Variants in FGF13 observed in about 807,000 individuals in gnomAD.
FGF13 encodes fibroblast growth factor homologous factor 2.
A neutral mutation model predicts 19.5 loss-of-function variants in FGF13; 2 were observed. The ratio of observed to expected loss-of-function variants is 0.10; its 90% CI spans 0.04 to 0.32. FGF13 has a LOEUF of 0.32. FGF13 is among the 10% of genes least tolerant of loss of function. The probability of loss-of-function intolerance (pLI) is 1.00; values close to 1 mark genes in which losing one functional copy is unlikely to be tolerated. For synonymous variants in FGF13, 72 were observed against 76.9 expected (o/e 0.94, Z 0.33); for missense variants, 113 against 192.7 (o/e 0.59, Z 2.45).
At chrX:138,955,865 G>A in intron 1 of FGF13, among the ~76,000 whole-genome samples, 1 of 112,027 alleles carries the variant, frequency 8.9e-6, no homozygotes, top group South Asian at 3.7e-4. Flanking sequence ...ACTTTCTTGA[G>A]TTTGTTGGTT....
chrX:139,173,285 T>C (rs1357594071), intron 1 of FGF13, among the ~76,000 whole-genome samples: 1 of 111,180 alleles, frequency 9.0e-6, no homozygotes, highest in Non-Finnish European at 1.9e-5. Context: ...CATTTTAACC[T>C]CCCTGGCTCT....
chrX:139,071,453 A>G (rs898574831), intron 1 of FGF13, among the ~76,000 whole-genome samples: 3 of 111,896 alleles, frequency 2.7e-5, no homozygotes, highest in African/African-American at 9.7e-5. Context: ...AGAATGTTTT[A>G]AATCTTATTA....
At chrX:139,189,031 T>A (rs1429598215) in intron 1 of FGF13, among the ~76,000 whole-genome samples, 3 of 107,901 alleles carry the variant, frequency 2.8e-5, no homozygotes, top group Non-Finnish European at 5.7e-5. Context: ...GGATGAAGGA[T>A]CATAGAGGCT....
rs186782711 is a variant in FGF13, at chrX:138,871,968, C to T, written c.-112-7318G>A. Among the ~76,000 whole-genome samples the T allele has an allele frequency of 2.7e-5, 3 of 111,849 alleles. No homozygotes were observed. In the East Asian group the frequency reaches 8.5e-4, roughly 32 times the overall value. On this transcript the variant is annotated intron_variant, in intron 1 of 2. Coordinates refer to the FGF13 transcript ENST00000421460. ...GTGAGCTGGCTTATGTGTTCAAAGGCTCACTCTTGCTGCTATGTAGAGAAC... is the reference window on the plus strand; with the variant it reads ...GTGAGCTGGCTTATGTGTTCAAAGGTTCACTCTTGCTGCTATGTAGAGAAC...
Position 138,811,000 on chromosome X carries a change from C to A in FGF13, c.217+46512G>T, listed in dbSNP as rs767189549. Among the ~76,000 whole-genome samples, 19 of 112,047 alleles carry A rather than the reference C, an allele frequency of 1.7e-4. No individual in the cohort carries two copies. The South Asian group carries it at 5.2e-3, about 31-fold the overall frequency. On this transcript the variant is annotated intron_variant, in intron 3 of 6. Transcript: ENST00000436198. The stretch of plus-strand genomic sequence containing the variant: ...GAACAGTTTTACACTGTTGGTGGGA[C>A]TGTAAACTAGTTCAACCATTGTGGA...
chrX:138,686,690 C>T (rs2089786438), intron 3 of FGF13, among the ~76,000 whole-genome samples: 1 of 111,376 alleles, frequency 9.0e-6, no homozygotes, highest in Non-Finnish European at 1.9e-5. Flanking sequence ...AAAATCTATA[C>T]AATGTCAGCT....
At chrX:139,022,556 T>C in intron 1 of FGF13, among the ~76,000 whole-genome samples, 1 of 111,439 alleles carries the variant, frequency 9.0e-6, no homozygotes, top group Non-Finnish European at 1.9e-5. Flanking sequence ...TTTGGTGAAA[T>C]TGTTTGTTCC....
intron 1 of FGF13, among the ~76,000 whole-genome samples, chrX:139,076,905 T>A (rs1279777702): frequency 1.8e-5 from 2 of 112,328 alleles, no homozygotes; most frequent in African/African-American, 6.5e-5. Flanking sequence ...AGGAGGTATT[T>A]CAGTCTATCT....
At chrX:138,924,218 T>C (rs994075411) in intron 1 of FGF13, among the ~76,000 whole-genome samples, 2 of 111,984 alleles carry the variant, frequency 1.8e-5, no homozygotes, top group Non-Finnish European at 1.9e-5. Context: ...ACTTCAGGCA[T>C]GCCAGGATCT....
chrX:138,796,744 T>C (rs1024915189), intron 3 of FGF13, among the ~76,000 whole-genome samples: 2 of 112,193 alleles, frequency 1.8e-5, no homozygotes, highest in African/African-American at 6.5e-5. Context: ...TTTTTAATGA[T>C]CGTCATTCTA....
At chrX:139,094,995 T>C (rs1037278637) in intron 1 of FGF13, among the ~76,000 whole-genome samples, 1 of 112,537 alleles carries the variant, frequency 8.9e-6, no homozygotes, top group Non-Finnish European at 1.9e-5. Context: ...AAGTACAAAT[T>C]GCCCCCAAAT....
At chrX:139,057,327 AAAAC>A (rs1461464790) in intron 1 of FGF13, among the ~76,000 whole-genome samples, 3 of 111,629 alleles carry the variant, frequency 2.7e-5, no homozygotes, top group Non-Finnish European at 5.7e-5. Context: ...AAGAAAAAAA[AAAAC>A]AAACTTTTCC....
intron 3 of FGF13, chrX:138,667,605 G>A: frequency 3.0e-6 from 1 of 332,730 alleles, no homozygotes; most frequent in Non-Finnish European, 5.9e-6. Flanking sequence ...CATAGAAGAG[G>A]ATCAGTTGAA....
chrX:138,672,319 G>A (rs1056739442), intron 3 of FGF13, among the ~76,000 whole-genome samples: 1 of 111,758 alleles, frequency 8.9e-6, no homozygotes, highest in Non-Finnish European at 1.9e-5. Flanking sequence ...CTAATGAGGA[G>A]ACTATAACAA....
chrX:139,196,497 T>C lies in FGF13; in HGVS notation c.-113+6919A>G, dbSNP rs961371640. On this transcript the variant is annotated intron_variant, in intron 1 of 2. Transcript: ENST00000421460. ...AAAAGTCACTCAAAAAATGTTCAGA[T>C]TTTGTTTAACTGAACAAAGACCACA... 5.3e-5 allele frequency among the ~76,000 whole-genome samples: 6 copies of C among 112,186 alleles called. 1 individual carries two copies. The highest frequency in any genetic ancestry group is 1.9e-4 in the African/African-American group (6 of 30,840).
In FGF13 at chrX:138,996,739, G is replaced by A. The variant is rs755904359; in HGVS notation, c.-112-132089C>T. On this transcript the variant is annotated intron_variant, in intron 1 of 2. Coordinates refer to the FGF13 transcript ENST00000421460. ...GACAGAGCACCTGGGGGAAGGGGCC[G>A]CTGTGGGCGCAGCTTCAGCAGACTT... is the stretch of plus-strand genomic sequence containing the variant. Among the ~76,000 whole-genome samples the A allele has an allele frequency of 9.8e-5, 11 of 112,198 alleles. No homozygotes were observed. The Admixed American group carries it at 1.0e-3, about 11-fold the overall frequency.
rs755908873 is a variant in FGF13, at chrX:139,054,185, C to T, written c.-113+149231G>A. On this transcript the variant is annotated intron_variant, in intron 1 of 2. Transcript: ENST00000421460. ...TCGCCCAGTCTTGAGTGCAGTGGCG[C>T]GATCTCGGCTCACTGCAAACTCCGC... Among the ~76,000 whole-genome samples, 8 of 92,162 alleles carry T rather than the reference C, an allele frequency of 8.7e-5. 1 individual carries two copies. In the South Asian group the frequency reaches 2.4e-3, roughly 28 times the overall value. 80.0% of individuals were successfully genotyped at this position (92,162 alleles called of 115,157 possible).
chrX:138,989,628 T>A (rs1376415033), intron 1 of FGF13, among the ~76,000 whole-genome samples: 1 of 110,725 alleles, frequency 9.0e-6, no homozygotes, highest in Non-Finnish European at 1.9e-5. Flanking sequence ...AGCACAGACA[T>A]CTAACCATAA....
chrX:138,842,759 A>G (rs910026910), intron 3 of FGF13, among the ~76,000 whole-genome samples: 1 of 110,946 alleles, frequency 9.0e-6, no homozygotes, highest in Non-Finnish European at 1.9e-5. Context: ...ATGCTGCTCA[A>G]TATCCTTCAA....
Sources: gnomAD v4.1 joint callset for allele counts (sites outside exome capture counted in the v4.1 genomes callset) on GRCh38, gnomAD v4.1.1 for gene constraint, MANE v1.5 for transcripts, NCBI Gene and HGNC (gene_info 2026-07-23, HGNC 2026-07-21) for gene names.